Variants in TNKS observed in about 807,000 individuals in gnomAD.
The protein encoded by TNKS is poly [ADP-ribose] polymerase tankyrase-1.
In TNKS, 72 loss-of-function variants were observed where a neutral mutation model predicts 135.8. The ratio of observed to expected loss-of-function variants is 0.53; its 90% CI spans 0.44 to 0.64. The LOEUF is 0.64. TNKS is among the 30% of genes least tolerant of loss of function. The pLI is 0.00. For synonymous variants in TNKS, 849 were observed against 649.3 expected (o/e 1.31, Z -4.68); for missense variants, 1,769 against 1,674.0 (o/e 1.06, Z -0.99).
intron 17 of TNKS, among the ~76,000 whole-genome samples, chr8:9,745,107 C>T (rs921496910): frequency 9.9e-5 from 15 of 152,092 alleles, no homozygotes; most frequent in African/African-American, 3.6e-4. Flanking sequence ...TGGGGAGAAG[C>T]TTGAAATTAT....
intron 3 of TNKS, among the ~76,000 whole-genome samples, chr8:9,632,661 A>G (rs142675213): frequency 1.2e-3 from 178 of 152,252 alleles, no homozygotes; most frequent in South Asian, 3.3e-3. Flanking sequence ...GCATTTCAAT[A>G]TCTACTGAAA....
chr8:9,740,161 T>C (rs1216772554), intron 17 of TNKS, among the ~76,000 whole-genome samples: 2 of 151,816 alleles, frequency 1.3e-5, no homozygotes, highest in Non-Finnish European at 2.9e-5. Flanking sequence ...TGATGCCGTA[T>C]GTCAGAACTG....
chr8:9,667,600 G>A (rs1802056596), intron 3 of TNKS, among the ~76,000 whole-genome samples: 1 of 152,284 alleles, frequency 6.6e-6, no homozygotes, highest in East Asian at 1.9e-4. Context: ...TATTGTGTAT[G>A]ATTGCATTTT....
At chr8:9,561,032 T>C (rs972340785) in intron 1 of TNKS, among the ~76,000 whole-genome samples, 5 of 152,186 alleles carry the variant, frequency 3.3e-5, no homozygotes, top group Admixed American at 2.6e-4. Context: ...AAGCCAACTG[T>C]TCAACAATAG....
intron 17 of TNKS, among the ~76,000 whole-genome samples, chr8:9,742,686 T>C (rs1415390332): frequency 6.7e-6 from 1 of 149,994 alleles, no homozygotes; most frequent in Non-Finnish European, 1.5e-5. Flanking sequence ...AGTGAGACCC[T>C]ATCTCTATAT....
intron 5 of TNKS, among the ~76,000 whole-genome samples, chr8:9,704,352 T>G (rs552222815): frequency 6.6e-6 from 1 of 152,282 alleles, no homozygotes; most frequent in South Asian, 2.1e-4. Flanking sequence ...AGCCCTGGTG[T>G]GTCTTCTCAG....
At chr8:9,761,394 A>G (rs945722811) in intron 20 of TNKS, 122 bp from the exon 21 acceptor site, 3 of 1,028,860 alleles carry the variant, frequency 2.9e-6, no homozygotes, top group African/African-American at 3.3e-5. Context: ...TCATGTTTAT[A>G]AAGGGAACAA....
Position 9,714,154 on chromosome 8 carries a change from A to G in TNKS, c.1749+3934A>G, listed in dbSNP as rs565381289. 3.9e-5 allele frequency among the ~76,000 whole-genome samples: 6 copies of G among 152,306 alleles called. No homozygotes were observed. In the East Asian group the frequency reaches 1.2e-3, roughly 29 times the overall value. ...ACATTCTTTTGCCCAAAACCTGGTA[A>G]TACATACAAACTTGAGGTTTGCTGT... On this transcript the variant is annotated intron_variant, in intron 11 of 26. Coordinates refer to ENST00000310430, the MANE Select transcript of TNKS (RefSeq NM_003747.3).
chr8:9,658,920 G>GC (rs1266100471), intron 3 of TNKS, among the ~76,000 whole-genome samples: 1 of 152,162 alleles, frequency 6.6e-6, no homozygotes, highest in Non-Finnish European at 1.5e-5. Context: ...ATAAAAAAAG[G>GC]CAGGGGTTGC....
At chr8:9,730,840 T>A (rs375983866) in intron 13 of TNKS, 50 bp from the exon 14 acceptor site, 31 of 1,570,430 alleles carry the variant, frequency 2.0e-5, no homozygotes, top group Non-Finnish European at 2.6e-5. Flanking sequence ...AACCTGTGAA[T>A]AAAGAGTAAT....
At chr8:9,662,794 G>A (rs1365507809) in intron 3 of TNKS, among the ~76,000 whole-genome samples, 2 of 152,146 alleles carry the variant, frequency 1.3e-5, no homozygotes, top group Non-Finnish European at 2.9e-5. Context: ...CAATGAAAGA[G>A]CAGTATTTGA....
intron 3 of TNKS, among the ~76,000 whole-genome samples, chr8:9,623,768 A>G (rs1335740230): frequency 1.3e-5 from 2 of 152,116 alleles, no homozygotes; most frequent in Non-Finnish European, 2.9e-5. Context: ...TTGGGAGGCC[A>G]AGGCAGGCAG....
intron 1 of TNKS, among the ~76,000 whole-genome samples, chr8:9,576,175 C>G (rs1364887780): frequency 2.0e-5 from 3 of 152,130 alleles, no homozygotes; most frequent in Non-Finnish European, 4.4e-5. Context: ...ATGGCTTTCT[C>G]TTAGTATATT....
Position 9,770,184 on chromosome 8 carries a change from A to T in TNKS, c.3819A>T (p.Pro1273=), listed in dbSNP as rs777321066. 5.6e-6 allele frequency: 9 copies of T among 1,613,486 alleles called. No individual in the cohort carries two copies. The highest frequency in any genetic ancestry group is 7.6e-6 in the Non-Finnish European group (9 of 1,179,956). Residue 1273 remains proline (P), a synonymous_variant, in exon 26 of 27, where the codon CCA becomes CCT. Transcript: ENST00000310430. ...FSTMKMAHAP[P]GHHSVIGRPS... is the part of the protein sequence containing the mutation. The stretch of plus-strand genomic sequence containing the variant: ...CCATGAAAATGGCCCACGCGCCTCC[A>T]GGGCACCACTCAGTCATTGGTAGAC...
At chr8:9,622,783 T>A (rs1185305157) in intron 3 of TNKS, among the ~76,000 whole-genome samples, 8 of 152,218 alleles carry the variant, frequency 5.3e-5, no homozygotes, top group Admixed American at 5.2e-4. Flanking sequence ...CATATTATTA[T>A]AATAAAATGG....
At chr8:9,581,163 C>G (rs893474989) in intron 2 of TNKS, among the ~76,000 whole-genome samples, 2 of 152,108 alleles carry the variant, frequency 1.3e-5, no homozygotes, top group African/African-American at 4.8e-5. Context: ...TTTAATGATG[C>G]AACTAAAATA....
At chr8:9,637,267 G>T (rs1411315221) in intron 3 of TNKS, among the ~76,000 whole-genome samples, 1 of 152,120 alleles carries the variant, frequency 6.6e-6, no homozygotes, top group Non-Finnish European at 1.5e-5. Context: ...CTTTGTTATT[G>T]CCTGTGAGTA....
At chr8:9,649,228 G>A (rs968867539) in intron 3 of TNKS, among the ~76,000 whole-genome samples, 1 of 152,160 alleles carries the variant, frequency 6.6e-6, no homozygotes, top group Non-Finnish European at 1.5e-5. Context: ...ACTACCATAG[G>A]AAGAAGAAAA....
intron 2 of TNKS, among the ~76,000 whole-genome samples, chr8:9,611,251 C>T (rs1252027422): frequency 6.6e-6 from 1 of 152,040 alleles, no homozygotes; most frequent in African/African-American, 2.4e-5. Flanking sequence ...TAATAATGTC[C>T]CAGTGGTTAA....
Sources: gnomAD v4.1 joint callset for allele counts (sites outside exome capture counted in the v4.1 genomes callset) on GRCh38, gnomAD v4.1.1 for gene constraint, MANE v1.5 for transcripts, NCBI Gene and HGNC (gene_info 2026-07-23, HGNC 2026-07-21) for gene names.